NRG1: variants seen among roughly 807,000 people sequenced by gnomAD.
NRG1 encodes neuregulin 1, also known as pro-neuregulin-1, membrane-bound isoform.
A neutral mutation model predicts 63.8 loss-of-function variants in NRG1; 18 were observed. The ratio of observed to expected loss-of-function variants is 0.28; its 90% confidence interval spans 0.19 to 0.42. The LOEUF (loss-of-function observed/expected upper bound fraction) is 0.42. Among genes scored for constraint, NRG1 ranks in the 10% least tolerant of loss-of-function variants. The pLI, the probability that NRG1 is intolerant of heterozygous loss-of-function variation, is 1.00. For missense variants in NRG1, 762 were observed against 814.7 expected, an observed-to-expected ratio of 0.94 and a Z score of 0.79; for synonymous variants, 302 against 301.3, an observed-to-expected ratio of 1.00 and a Z score of -0.02.
chr8:32,746,892 A>G (rs1225250383), intron 7 of NRG1, among the ~76,000 whole-genome samples: 2 of 141,496 alleles, frequency 1.4e-5, no homozygotes, highest in African/African-American at 5.5e-5. Flanking sequence ...TTTGACTTAC[A>G]ATGAAAGAAA....
intron 5 of NRG1, among the ~76,000 whole-genome samples, chr8:32,721,384 T>C (rs1362783879): frequency 6.6e-6 from 1 of 152,196 alleles, no homozygotes. Context: ...AAGTGTCACC[T>C]TGTAGGAAGT....
intron 5 of NRG1, among the ~76,000 whole-genome samples, chr8:32,652,467 C>T (rs915623175): frequency 2.0e-5 from 3 of 152,034 alleles, no homozygotes; most frequent in Non-Finnish European, 4.4e-5. Context: ...TTTTGTGATA[C>T]CCAACTCAGA....
At chr8:31,703,479 A>T (rs923357888) in intron 1 of NRG1, among the ~76,000 whole-genome samples, 1 of 152,172 alleles carries the variant, frequency 6.6e-6, no homozygotes, top group African/African-American at 2.4e-5. Context: ...GCTGGTTTCA[A>T]TTATTCTGAA....
At chr8:32,400,362 A>T (rs370138562) in intron 1 of NRG1, among the ~76,000 whole-genome samples, 1 of 152,180 alleles carries the variant, frequency 6.6e-6, no homozygotes, top group Non-Finnish European at 1.5e-5. Flanking sequence ...GCAACCCTAT[A>T]GTCTGAGCTA....
chr8:32,181,420 C>G (rs1841420077), intron 1 of NRG1, among the ~76,000 whole-genome samples: 1 of 152,154 alleles, frequency 6.6e-6, no homozygotes, highest in Non-Finnish European at 1.5e-5. Context: ...TATCTCTATA[C>G]TTTATTCTCT....
intron 1 of NRG1, among the ~76,000 whole-genome samples, chr8:31,874,621 A>C (rs781573350): frequency 5.3e-5 from 8 of 152,176 alleles, no homozygotes; most frequent in Non-Finnish European, 1.0e-4. Context: ...ATACATTTTT[A>C]GTTTTTTAAA....
rs1311511072 is a variant in NRG1, at chr8:32,040,750, C to T, written c.37+401319C>T. On this transcript the variant is annotated intron_variant, in intron 1 of 10. Coordinates refer to the NRG1 transcript ENST00000519301. ...TATATATATATATGAAATTTAGGCGCATATATATATATATATATGCGCCTA... is the reference window on the plus strand; with the variant it reads ...TATATATATATATGAAATTTAGGCGTATATATATATATATATATGCGCCTA... Among the ~76,000 whole-genome samples, 195 of 48,666 alleles carry T rather than the reference C, an allele frequency of 4.0e-3. 1 individual carries two copies. Among genetic ancestry groups the T allele is most frequent in the Middle Eastern group, 0.02 (1 of 50 alleles). 31.9% of individuals were successfully genotyped at this position (48,666 alleles called of 152,430 possible). A position where few individuals can be genotyped will look rare whatever the true frequency, so the allele number is the denominator to read the frequency against.
chr8:32,506,858 C>A (rs1828594607), intron 1 of NRG1, among the ~76,000 whole-genome samples: 1 of 151,864 alleles, frequency 6.6e-6, no homozygotes. Flanking sequence ...CTAGCCTGGG[C>A]AACAGAGTGA....
intron 1 of NRG1, among the ~76,000 whole-genome samples, chr8:31,693,272 T>G (rs1323781532): frequency 6.6e-6 from 1 of 152,236 alleles, no homozygotes; most frequent in Non-Finnish European, 1.5e-5. Context: ...AAGAAAATTC[T>G]ATAATCTTTG....
At chr8:32,009,890 C>G (rs1386002436) in intron 1 of NRG1, among the ~76,000 whole-genome samples, 1 of 151,538 alleles carries the variant, frequency 6.6e-6, no homozygotes. Context: ...CCTCCCATCC[C>G]TCCCATCCTC....
intron 1 of NRG1, among the ~76,000 whole-genome samples, chr8:31,886,094 G>A (rs1214769222): frequency 6.6e-6 from 1 of 152,054 alleles, no homozygotes; most frequent in Non-Finnish European, 1.5e-5. Flanking sequence ...TCCTTAGTAA[G>A]GTAGGATATT....
chr8:32,158,448 GAT>G (rs36087607), intron 1 of NRG1, among the ~76,000 whole-genome samples: 1,987 of 62,118 alleles, frequency 0.032, 201 homozygotes, highest in African/African-American at 0.072. Flanking sequence ...TGGTTTACAT[GAT>G]ATATATATAT....
intron 5 of NRG1, among the ~76,000 whole-genome samples, chr8:32,705,926 G>T (rs1343433980): frequency 6.6e-6 from 1 of 152,060 alleles, no homozygotes; most frequent in African/African-American, 2.4e-5. Context: ...ACCTACCAAG[G>T]CTTCCCCATT....
intron 1 of NRG1, among the ~76,000 whole-genome samples, chr8:31,688,486 G>A (rs961454893): frequency 4.6e-5 from 7 of 152,080 alleles, no homozygotes; most frequent in Non-Finnish European, 1.0e-4. Context: ...TAAGCTACCC[G>A]TCAACGATAT....
At chr8:32,645,358 G>T (rs554389944) in intron 5 of NRG1, among the ~76,000 whole-genome samples, 1 of 152,278 alleles carries the variant, frequency 6.6e-6, no homozygotes, top group South Asian at 2.1e-4. Context: ...ATGAACTCAA[G>T]GATAACTCAT....
intron 1 of NRG1, among the ~76,000 whole-genome samples, chr8:32,321,156 A>G (rs1801333940): frequency 6.6e-6 from 1 of 152,204 alleles, no homozygotes; most frequent in South Asian, 2.1e-4. Flanking sequence ...TATAGTATCA[A>G]TTAAACTATG....
chr8:32,716,399 G>A (rs1159185041), intron 5 of NRG1, among the ~76,000 whole-genome samples: 4 of 152,174 alleles, frequency 2.6e-5, no homozygotes, highest in African/African-American at 7.2e-5. Context: ...TGGCTTTGTA[G>A]TAATGGATGG....
chr8:31,986,887 T>A (rs1425131675), intron 1 of NRG1, among the ~76,000 whole-genome samples: 2 of 152,130 alleles, frequency 1.3e-5, no homozygotes, highest in Non-Finnish European at 2.9e-5. Flanking sequence ...CAAAAGTTTG[T>A]TGACTTTTAA....
intron 1 of NRG1, among the ~76,000 whole-genome samples, chr8:32,143,231 A>G (rs757989162): frequency 2.6e-5 from 4 of 151,428 alleles, no homozygotes; most frequent in Non-Finnish European, 5.9e-5. Context: ...CAAGGTGTTA[A>G]GGCTTTTTTT....
Sources: gnomAD v4.1 joint callset for allele counts (sites outside exome capture counted in the v4.1 genomes callset) on GRCh38, gnomAD v4.1.1 for gene constraint, MANE v1.5 for transcripts, NCBI Gene and HGNC (gene_info 2026-07-23, HGNC 2026-07-21) for gene names.